The following SLC6A15 variants were observed in gnomAD, a reference collection of about 807,000 sequenced individuals.
SLC6A15 encodes sodium-dependent neutral amino acid transporter B(0)AT2.
Under a neutral mutation model 68.5 loss-of-function variants are expected in SLC6A15, and 33 were observed. The ratio of observed to expected loss-of-function variants is 0.48; its 90% confidence interval spans 0.37 to 0.64. The LOEUF is 0.64. Among genes scored for constraint, SLC6A15 ranks in the 30% least tolerant of loss-of-function variants. The probability of loss-of-function intolerance (pLI) is 0.00; values close to 1 mark genes in which losing one functional copy is unlikely to be tolerated. For missense variants in SLC6A15, 747 were observed against 874.3 expected, an observed-to-expected ratio of 0.85 and a Z score of 1.84; for synonymous variants, 347 against 301.0, an observed-to-expected ratio of 1.15 and a Z score of -1.58.
chr12:84,893,539 A>T (rs1872516713), intron 1 of SLC6A15, among the ~76,000 whole-genome samples: 1 of 152,194 alleles, frequency 6.6e-6, no homozygotes, highest in Non-Finnish European at 1.5e-5. Context: ...GTGACTGAAA[A>T]ATATGACTGC....
rs542988026 is a variant in SLC6A15 at position 84,911,681 on chromosome 12, G to A, written c.-189+842C>T. ...CTTATGTATCCAGTTGGTGCGCTAC[G>A]TTAGAGTGCAAGGATTTCCCTGTAC... On this transcript the variant is annotated intron_variant, in intron 1 of 11. Transcript: ENST00000266682. 1.1e-4 allele frequency among the ~76,000 whole-genome samples: 17 copies of A among 152,258 alleles called. No homozygotes were observed. In the East Asian group the frequency reaches 2.1e-3, roughly 19 times the overall value.
In SLC6A15 at chr12:84,892,132, C is replaced by G; in HGVS notation, c.-12G>C. 6.9e-7 allele frequency: 1 copy of G among 1,454,898 alleles called. No individual in the cohort carries two copies. The highest frequency in any genetic ancestry group is 9.1e-7 in the Non-Finnish European group (1 of 1,098,518). 90.1% of individuals were successfully genotyped at this position (1,454,898 alleles called of 1,614,324 possible). On this transcript the variant is annotated 5_prime_UTR_variant, in exon 2 of 12. Coordinates refer to ENST00000266682, the MANE Select transcript of SLC6A15 (RefSeq NM_182767.6). ...CTATTTTTGGGCATTGGAGAGTATGCGAAGTATTTAAAAAAAAAAAAAAAA... is the reference window on the plus strand; with the variant it reads ...CTATTTTTGGGCATTGGAGAGTATGGGAAGTATTTAAAAAAAAAAAAAAAA...
intron 5 of SLC6A15, chr12:84,883,423 T>C (rs1871923115): frequency 1.9e-6 from 2 of 1,062,980 alleles, no homozygotes; most frequent in East Asian, 7.4e-5. Context: ...AAATGTCTTA[T>C]GCAGCTATTC....
chr12:84,873,125 G>A lies in SLC6A15; in HGVS notation c.1071C>T (p.Gly357=), dbSNP rs768963540. ...LATLVVFAVL[G]FKANVINEKC... is the part of the protein sequence containing the mutation. Reference sequence around the variant, plus strand: ...TCTCATTTATGACATTTGCTTTGAAGCCCAGAACTGCAAACACCACCAATG... The same window carrying A: ...TCTCATTTATGACATTTGCTTTGAAACCCAGAACTGCAAACACCACCAATG... The change falls in exon 7 of 12, where the codon GGC becomes GGT. Residue 357 remains glycine, a synonymous_variant. Coordinates refer to ENST00000266682, the MANE Select transcript of SLC6A15 (RefSeq NM_182767.6). 1.9e-6 allele frequency: 3 copies of A among 1,613,904 alleles called. No individual in the cohort carries two copies. The highest frequency in any genetic ancestry group is 1.6e-4 in the Middle Eastern group (1 of 6,084).
chr12:84,910,412 A>G (rs76003108), intron 1 of SLC6A15, among the ~76,000 whole-genome samples: 6,102 of 152,290 alleles, frequency 0.04, 387 homozygotes, highest in African/African-American at 0.13. Context: ...TGATGATTCC[A>G]TAGAAAAGGC....
chr12:84,909,144 T>G (rs1480279755), intron 1 of SLC6A15, among the ~76,000 whole-genome samples: 2 of 152,148 alleles, frequency 1.3e-5, no homozygotes, highest in African/African-American at 4.8e-5. Context: ...CCACCAGCAA[T>G]GCATGAGAGT....
chr12:84,870,424 A>T, intron 9 of SLC6A15, 54 bp downstream of exon 9: 4 of 1,296,412 alleles, frequency 3.1e-6, no homozygotes, highest in Non-Finnish European at 3.1e-6. Flanking sequence ...ATCTTTCACC[A>T]AGAATAAAAT....
At chr12:84,904,074 CTA>C (rs1453953712) in intron 1 of SLC6A15, among the ~76,000 whole-genome samples, 1 of 151,946 alleles carries the variant, frequency 6.6e-6, no homozygotes, top group Non-Finnish European at 1.5e-5. Flanking sequence ...AGCAGTGAAA[CTA>C]TGCAAGTTCC....
At chr12:84,883,518 T>C in intron 5 of SLC6A15, 1 of 1,280,018 alleles carries the variant, frequency 7.8e-7, no homozygotes, top group Non-Finnish European at 9.9e-7. Flanking sequence ...TTCCCCAATT[T>C]CCATAATTTA....
At chr12:84,871,420 T>C (rs1295437492) in intron 8 of SLC6A15, among the ~76,000 whole-genome samples, 3 of 151,934 alleles carry the variant, frequency 2.0e-5, no homozygotes, top group African/African-American at 7.2e-5. Context: ...GATACTCCAA[T>C]TGGGCAGAAA....
chr12:84,861,374 A>T lies in SLC6A15; in HGVS notation c.*258T>A, dbSNP rs1002902236. 2.9e-5 allele frequency: 10 copies of T among 343,472 alleles called. No homozygotes were observed. The highest frequency in any genetic ancestry group is 1.5e-4 in the African/African-American group (7 of 47,758). The allele number at this position is 343,472 out of a possible 1,614,324, so 21.3% of individuals were successfully genotyped here. On this transcript the variant is annotated 3_prime_UTR_variant, in exon 12 of 12. Transcript: ENST00000266682. ...ATAGAAATATTTGAAAATACACCAA[A>T]GGTACTTAAAAAAAAATCCTGGCAA...
intron 9 of SLC6A15, among the ~76,000 whole-genome samples, chr12:84,868,031 C>T (rs1391350226): frequency 2.0e-5 from 3 of 152,078 alleles, no homozygotes; most frequent in Non-Finnish European, 2.9e-5. Flanking sequence ...CACATTTCGG[C>T]AGAGGTGAGT....
chr12:84,906,143 T>C (rs892689419), intron 1 of SLC6A15, among the ~76,000 whole-genome samples: 1 of 152,190 alleles, frequency 6.6e-6, no homozygotes. Context: ...TACAGTTCCA[T>C]ATGTTACCAA....
At chr12:84,887,651 A>T (rs1872177274) in intron 2 of SLC6A15, among the ~76,000 whole-genome samples, 1 of 152,212 alleles carries the variant, frequency 6.6e-6, no homozygotes, top group Non-Finnish European at 1.5e-5. Context: ...AGTGAATTTT[A>T]ACATCTGCAT....
At chr12:84,871,814 A>G (rs905644851) in intron 8 of SLC6A15, among the ~76,000 whole-genome samples, 3 of 152,174 alleles carry the variant, frequency 2.0e-5, no homozygotes, top group Non-Finnish European at 4.4e-5. Context: ...AAGGACATTT[A>G]TTAATGGTGA....
At chr12:84,866,387 G>GAATA (rs1233816473) in intron 10 of SLC6A15, among the ~76,000 whole-genome samples, 1 of 152,060 alleles carries the variant, frequency 6.6e-6, no homozygotes, top group African/African-American at 2.4e-5. Flanking sequence ...ATGAATTTAT[G>GAATA]AATAAATAGT....
chr12:84,878,248 T>A (rs1871648521), intron 5 of SLC6A15, among the ~76,000 whole-genome samples: 1 of 152,242 alleles, frequency 6.6e-6, no homozygotes, highest in Non-Finnish European at 1.5e-5. Flanking sequence ...CATAATTTTT[T>A]AATAATTTCA....
At position 84,863,486 on chromosome 12, in the gene SLC6A15, T is replaced by C. The variant is rs138060449; in HGVS notation, c.1771A>G (p.Asn591Asp). The change falls in exon 11 of 12, where the codon AAT becomes GAT. Residue 591 changes from asparagine to aspartate, a missense_variant. Coordinates refer to ENST00000266682, the MANE Select transcript of SLC6A15 (RefSeq NM_182767.6). ...LLSLLIASVV[N>D]MGLSPPGYNA... ...TAGCCAGGAGGACTTAATCCCATAT[T>C]CACAACACTAGCTATTAGCAATGAT... is the stretch of plus-strand genomic sequence containing the variant. 4.1e-4 allele frequency: 646 copies of C among 1,592,830 alleles called. No homozygotes were observed. The highest frequency in any genetic ancestry group is 5.3e-4 in the Non-Finnish European group (619 of 1,172,436).
Position 84,867,181 on chromosome 12 carries a change from AG to A in SLC6A15, c.1507del (p.Leu503PhefsTer8). 1 of 1,600,918 alleles carries A rather than the reference AG, an allele frequency of 6.2e-7. No homozygotes were observed. The highest frequency in any genetic ancestry group is 8.5e-7 in the Non-Finnish European group (1 of 1,174,498). On this transcript the variant is annotated frameshift_variant, in exon 10 of 12. Coordinates refer to ENST00000266682, the MANE Select transcript of SLC6A15 (RefSeq NM_182767.6). LOFTEE classifies it high-confidence loss of function. ...TATCAGGCCAATACAAAATGCCAGA[AG>A]ACAACAGATAACTAGACAAAAGAAA... is the stretch of plus-strand genomic sequence containing the variant. ...RKEILTVICC[L>X]LAFCIGLIFV...
Sources: allele counts gnomAD v4.1 joint callset (sites outside exome capture counted in the v4.1 genomes callset), GRCh38; gene constraint gnomAD v4.1.1; transcripts MANE v1.5; gene names NCBI Gene and HGNC (gene_info 2026-07-23, HGNC 2026-07-21).